The following ABI3BP variants were observed in gnomAD, a reference collection of about 807,000 sequenced individuals.
ABI3BP encodes the protein ABI family member 3 binding protein.
A neutral mutation model predicts 268.6 loss-of-function variants in ABI3BP; 216 were observed. The observed-to-expected ratio is 0.80, with a 90% CI of 0.72 to 0.90. The LOEUF (loss-of-function observed/expected upper bound fraction) is 0.90. ABI3BP is among the 40% of genes least tolerant of loss of function. The probability of loss-of-function intolerance (pLI) is 0.00; values close to 1 mark genes in which losing one functional copy is unlikely to be tolerated. For synonymous variants in ABI3BP, 730 were observed against 730.0 expected (o/e 1.00, Z 0.00); for missense variants, 2,090 against 2,182.4 (o/e 0.96, Z 0.84).
chr3:100,855,051 T>C (rs548957974), intron 14 of ABI3BP, among the ~76,000 whole-genome samples: 6 of 152,048 alleles, frequency 3.9e-5, no homozygotes, highest in Non-Finnish European at 8.8e-5. Flanking sequence ...CTCAGCCTCC[T>C]GAGTAGCTGG....
intron 36 of ABI3BP, 136 bp downstream of exon 36, chr3:100,824,722 G>T: frequency 1.7e-6 from 1 of 593,778 alleles, no homozygotes; most frequent in African/African-American, 1.8e-5. Context: ...GAGCAGAGGA[G>T]ATGGTACTGA....
At chr3:100,867,607 C>T (rs1373659603) in intron 9 of ABI3BP, among the ~76,000 whole-genome samples, 1 of 138,688 alleles carries the variant, frequency 7.2e-6, no homozygotes, top group Non-Finnish European at 1.5e-5. Flanking sequence ...CGCCATTGCA[C>T]TCCAGCCTGG....
chr3:100,993,305 C>G lies in ABI3BP; in HGVS notation c.79+1G>C. ...AAAACATAAAACATCAGGCTACTTG[C>G]CTTTTGGCAATTTCTGTGCATTTCC... is the stretch of plus-strand genomic sequence containing the variant. On this transcript the variant is annotated splice_donor_variant, in intron 1 of 67. Transcript: ENST00000471714. LOFTEE classifies it high-confidence loss of function. 6.5e-7 allele frequency: 1 copy of G among 1,547,692 alleles called. No individual in the cohort carries two copies. The highest frequency in any genetic ancestry group is 1.4e-5 in the African/African-American group (1 of 73,044).
intron 1 of ABI3BP, among the ~76,000 whole-genome samples, chr3:100,926,780 C>T (rs1422841157): frequency 6.6e-6 from 1 of 152,108 alleles, no homozygotes; most frequent in Non-Finnish European, 1.5e-5. Context: ...TTTATACACA[C>T]TGTCTGGGTA....
At chr3:100,874,772 G>T (rs1194112609) in intron 9 of ABI3BP, 69 bp downstream of exon 9, 1 of 932,304 alleles carries the variant, frequency 1.1e-6, no homozygotes, top group Non-Finnish European at 1.6e-6. Context: ...AGATTCTTTG[G>T]ATTTCCTAAG....
At chr3:100,929,656 A>G (rs1188697121) in intron 1 of ABI3BP, among the ~76,000 whole-genome samples, 1 of 151,916 alleles carries the variant, frequency 6.6e-6, no homozygotes, top group Admixed American at 6.6e-5. Flanking sequence ...CTTACCACAC[A>G]TTACTTCTTC....
chr3:100,960,812 C>T (rs1408518919), intron 1 of ABI3BP, among the ~76,000 whole-genome samples: 1 of 152,118 alleles, frequency 6.6e-6, no homozygotes, highest in Non-Finnish European at 1.5e-5. Flanking sequence ...CATTTAATGA[C>T]CAGGTGAAAC....
chr3:100,910,771 T>C (rs1420471630), intron 2 of ABI3BP, among the ~76,000 whole-genome samples: 1 of 152,224 alleles, frequency 6.6e-6, no homozygotes, highest in African/African-American at 2.4e-5. Flanking sequence ...GCATCTGATG[T>C]TTGAAAACAT....
intron 1 of ABI3BP, among the ~76,000 whole-genome samples, chr3:100,966,485 C>T (rs1407180610): frequency 6.6e-6 from 1 of 152,180 alleles, no homozygotes; most frequent in East Asian, 1.9e-4. Flanking sequence ...AATGTATTTA[C>T]TATCCAGTCT....
chr3:100,755,482 A>G (rs1456827100), intron 63 of ABI3BP, among the ~76,000 whole-genome samples: 2 of 152,204 alleles, frequency 1.3e-5, no homozygotes, highest in Non-Finnish European at 2.9e-5. Flanking sequence ...AAGAGCAGGA[A>G]CACAAACACA....
chr3:100,945,487 A>G, intron 1 of ABI3BP: 1 of 258,344 alleles, frequency 3.9e-6, no homozygotes, highest in South Asian at 4.0e-5. Flanking sequence ...CATTTTACCC[A>G]TTAATAGTAA....
At chr3:100,970,541 A>T (rs768245150) in intron 1 of ABI3BP, among the ~76,000 whole-genome samples, 1 of 152,184 alleles carries the variant, frequency 6.6e-6, no homozygotes, top group African/African-American at 2.4e-5. Flanking sequence ...AATTCAAGCA[A>T]TTTTTATTAA....
chr3:100,832,687 A>T (rs1192686602), intron 30 of ABI3BP, among the ~76,000 whole-genome samples: 1 of 152,194 alleles, frequency 6.6e-6, no homozygotes, highest in African/African-American at 2.4e-5. Context: ...ATAATTTAAG[A>T]TAACTAGGCT....
intron 57 of ABI3BP, among the ~76,000 whole-genome samples, chr3:100,784,491 G>A (rs2096965071): frequency 6.6e-6 from 1 of 152,130 alleles, no homozygotes; most frequent in African/African-American, 2.4e-5. Context: ...AGAACTAATA[G>A]TAGAACTACC....
chr3:100,802,788 T>TAA (rs1357735348), intron 51 of ABI3BP, among the ~76,000 whole-genome samples: 2 of 114,082 alleles, frequency 1.8e-5, no homozygotes, highest in Non-Finnish European at 4.6e-5. Context: ...CCTTTTACAT[T>TAA]TTTAGACTTT....
intron 20 of ABI3BP, 100 bp from the exon 21 acceptor site, chr3:100,842,139 A>C: frequency 1.0e-6 from 1 of 973,404 alleles, no homozygotes. Context: ...CTCCTGGGTG[A>C]ATGATTAGGT....
At position 100,962,824 on chromosome 3, in the gene ABI3BP, C is replaced by T. The variant is rs556313142; in HGVS notation, c.79+30482G>A. Among the ~76,000 whole-genome samples the T allele has an allele frequency of 1.1e-4, 16 of 152,242 alleles. No individual in the cohort carries two copies. In the South Asian group the frequency reaches 1.7e-3, roughly 16 times the overall value. The stretch of plus-strand genomic sequence containing the variant: ...ATTTTTTGGTGATTGCATTGATTTT[C>T]GTGACTTGAACTATCACTTACACAC... On this transcript the variant is annotated intron_variant, in intron 1 of 67. Transcript: ENST00000471714.
intron 1 of ABI3BP, among the ~76,000 whole-genome samples, chr3:100,992,388 C>T (rs1440027585): frequency 2.0e-5 from 3 of 152,290 alleles, no homozygotes; most frequent in South Asian, 4.2e-4. Context: ...TGACTTTAGG[C>T]ACACCAGGTT....
intron 62 of ABI3BP, among the ~76,000 whole-genome samples, chr3:100,769,602 G>A (rs895850534): frequency 1.3e-5 from 2 of 152,202 alleles, no homozygotes; most frequent in Admixed American, 1.3e-4. Context: ...TGAGAACTAA[G>A]CCTCAGATGA....
Sources: gnomAD v4.1 joint callset for allele counts (sites outside exome capture counted in the v4.1 genomes callset) on GRCh38, gnomAD v4.1.1 for gene constraint, MANE v1.5 for transcripts, NCBI Gene and HGNC (gene_info 2026-07-23, HGNC 2026-07-21) for gene names.